NUDT7: variants seen among roughly 807,000 people sequenced by gnomAD.
The protein encoded by NUDT7 is peroxisomal coenzyme A diphosphatase NUDT7.
Under a neutral mutation model 13.1 loss-of-function variants are expected in NUDT7, and 19 were observed. That is an observed-to-expected ratio of 1.45 (90% CI 1.01 to 2.13). The LOEUF is 2.13. Among genes scored for constraint, NUDT7 ranks in the 30% most tolerant of loss-of-function variants. NUDT7 has a pLI of 0.00. For synonymous variants in NUDT7, 132 were observed against 109.7 expected (o/e 1.20, Z -1.27); for missense variants, 360 against 291.7 (o/e 1.23, Z -1.71).
chr16:77,731,720 G>C (rs991407313), intron 2 of NUDT7, among the ~76,000 whole-genome samples: 1 of 152,144 alleles, frequency 6.6e-6, no homozygotes, highest in Non-Finnish European at 1.5e-5. Flanking sequence ...TATTGTAGGA[G>C]ATGAGAGCTC....
chr16:77,728,929 C>A (rs1310192771), intron 2 of NUDT7, among the ~76,000 whole-genome samples: 1 of 152,192 alleles, frequency 6.6e-6, no homozygotes, highest in Non-Finnish European at 1.5e-5. Flanking sequence ...CATCCCTCCT[C>A]TGTCCCCTCT....
rs189515209 is a variant in NUDT7, at chr16:77,725,460, G to A, written c.65G>A (p.Arg22His). ...RNSLLDDAKA[R>H]LRKYDIGGKY... ...AGTTTGCTAGATGATGCTAAGGCCC[G>A]CTTAAGAAAGTATGATATTGGAGGC... Residue 22 changes from arginine (R) to histidine (H), a missense_variant, in exon 2 of 4, where the codon CGC (arginine) becomes CAC (histidine). Coordinates refer to ENST00000268533, the MANE Select transcript of NUDT7 (RefSeq NM_001105663.3). 57 of 1,613,222 alleles carry A rather than the reference G, an allele frequency of 3.5e-5. No homozygotes were observed. The Admixed American group carries it at 6.0e-4, about 17-fold the overall frequency.
chr16:77,732,860 C>T (rs549657721), intron 2 of NUDT7, among the ~76,000 whole-genome samples: 93 of 152,262 alleles, frequency 6.1e-4, no homozygotes, highest in African/African-American at 2.2e-3. Flanking sequence ...CTTGGAGGTG[C>T]GTTTGTCCCT....
chr16:77,736,447 C>T (rs1389323745), intron 3 of NUDT7, among the ~76,000 whole-genome samples: 2 of 152,152 alleles, frequency 1.3e-5, no homozygotes, highest in African/African-American at 2.4e-5. Context: ...AATAAAGCCT[C>T]TCTGTGATAC....
At chr16:77,724,701 G>C (rs889837593) in intron 1 of NUDT7, among the ~76,000 whole-genome samples, 2 of 152,190 alleles carry the variant, frequency 1.3e-5, no homozygotes, top group African/African-American at 4.8e-5. Context: ...GGGGTGAGGG[G>C]ATACTGTTCA....
intron 1 of NUDT7, among the ~76,000 whole-genome samples, chr16:77,725,223 TGC>T (rs1364568158): frequency 6.6e-6 from 1 of 152,202 alleles, no homozygotes; most frequent in Non-Finnish European, 1.5e-5. Context: ...CTAAACTGTG[TGC>T]TTAGAAGGTT....
intron 2 of NUDT7, among the ~76,000 whole-genome samples, chr16:77,731,781 A>T (rs1043687575): frequency 6.6e-6 from 1 of 152,186 alleles, no homozygotes; most frequent in Admixed American, 6.5e-5. Context: ...CAAGAGGTAG[A>T]GGTAGAAGAC....
intron 3 of NUDT7, among the ~76,000 whole-genome samples, chr16:77,738,636 G>C (rs1385677382): frequency 6.6e-6 from 1 of 152,088 alleles, no homozygotes. Flanking sequence ...TCGAGTCCCA[G>C]TGATCTCAGC....
intron 1 of NUDT7, among the ~76,000 whole-genome samples, 163 bp from the exon 2 acceptor site, chr16:77,725,268 C>T (rs2014093669): frequency 6.6e-6 from 1 of 152,104 alleles, no homozygotes; most frequent in Non-Finnish European, 1.5e-5. Flanking sequence ...AACAACCACG[C>T]AATTTAGATA....
intron 2 of NUDT7, among the ~76,000 whole-genome samples, chr16:77,729,162 A>C (rs2014234822): frequency 6.6e-6 from 1 of 152,210 alleles, no homozygotes; most frequent in Non-Finnish European, 1.5e-5. Flanking sequence ...TGCAGTGCTA[A>C]TAGTTTTTGA....
chr16:77,729,358 T>G (rs9931184), intron 2 of NUDT7, among the ~76,000 whole-genome samples: 23,936 of 152,018 alleles, frequency 0.16, 2,169 homozygotes, highest in East Asian at 0.36. Flanking sequence ...GCTAATTAAT[T>G]TACTACCTCA....
At chr16:77,725,844 T>G (rs545674453) in intron 2 of NUDT7, among the ~76,000 whole-genome samples, 5 of 152,358 alleles carry the variant, frequency 3.3e-5, no homozygotes, top group African/African-American at 7.2e-5. Flanking sequence ...CTATTGGCAT[T>G]TGGGGCTGAA....
intron 3 of NUDT7, among the ~76,000 whole-genome samples, chr16:77,739,107 C>G (rs1237733649): frequency 6.6e-6 from 1 of 152,232 alleles, no homozygotes; most frequent in African/African-American, 2.4e-5. Context: ...ATTCCTCTTA[C>G]AACCCCAGGG....
intron 2 of NUDT7, among the ~76,000 whole-genome samples, chr16:77,727,582 C>A (rs773007568): frequency 6.6e-6 from 1 of 152,180 alleles, no homozygotes; most frequent in African/African-American, 2.4e-5. Context: ...TGGCCGTGTG[C>A]GGTGGCTCAC....
chr16:77,729,652 C>G (rs970863527), intron 2 of NUDT7, among the ~76,000 whole-genome samples: 2 of 152,048 alleles, frequency 1.3e-5, no homozygotes, highest in South Asian at 2.1e-4. Flanking sequence ...ATGGTGAAAC[C>G]CCATCTCTAC....
chr16:77,727,359 G>T (rs1287078905), intron 2 of NUDT7, among the ~76,000 whole-genome samples: 3 of 151,998 alleles, frequency 2.0e-5, no homozygotes, highest in Admixed American at 2.0e-4. Flanking sequence ...AAAATGCCAA[G>T]GAATCAGCTG....
At chr16:77,732,152 A>C (rs184986013) in intron 2 of NUDT7, among the ~76,000 whole-genome samples, 1 of 152,126 alleles carries the variant, frequency 6.6e-6, no homozygotes, top group African/African-American at 2.4e-5. Flanking sequence ...ACATGGCCAA[A>C]CCTCATCTCT....
At chr16:77,740,717 T>A (rs1212592005) in intron 3 of NUDT7, among the ~76,000 whole-genome samples, 1 of 151,524 alleles carries the variant, frequency 6.6e-6, no homozygotes, top group Non-Finnish European at 1.5e-5. Flanking sequence ...CCGGCTAATT[T>A]GTGTATTTTT....
rs2014673999 is a variant in NUDT7, at chr16:77,741,801, G to C, written c.568G>C (p.Gly190Arg). ...PEDGVTYQIK[G>R]MTANLAVLVA... is the part of the protein sequence containing the mutation. Reference sequence around the variant, plus strand: ...AGACGGTGTCACTTACCAGATCAAGGGAATGACGGCAAACCTTGCAGTGTT... The same window carrying C: ...AGACGGTGTCACTTACCAGATCAAGCGAATGACGGCAAACCTTGCAGTGTT... Residue 190 changes from glycine to arginine, a missense_variant, in exon 4 of 4, where the codon GGA (glycine) becomes CGA (arginine). Gly to Arg is a moderately radical substitution (Grantham distance 125). Coordinates refer to ENST00000268533, the MANE Select transcript of NUDT7 (RefSeq NM_001105663.3). The C allele has an allele frequency of 1.2e-6, 2 of 1,614,064 alleles. No individual in the cohort carries two copies. The highest frequency in any genetic ancestry group is 8.5e-7 in the Non-Finnish European group (1 of 1,180,014).
Sources: allele counts gnomAD v4.1 joint callset (sites outside exome capture counted in the v4.1 genomes callset), GRCh38; gene constraint gnomAD v4.1.1; transcripts MANE v1.5; gene names NCBI Gene and HGNC (gene_info 2026-07-23, HGNC 2026-07-21).